Variants in RGS17 observed in about 807,000 individuals in gnomAD.
RGS17 encodes regulator of G protein signaling 17.
Under a neutral mutation model 25.5 loss-of-function variants are expected in RGS17, and 12 were observed. The observed-to-expected ratio is 0.47, with a 90% CI of 0.30 to 0.76. The LOEUF is 0.76. Among genes scored for constraint, RGS17 ranks in the 30% least tolerant of loss-of-function variants. RGS17 has a pLI of 0.07. For synonymous variants in RGS17, 71 were observed against 76.9 expected (o/e 0.92, Z 0.40); for missense variants, 196 against 242.2 (o/e 0.81, Z 1.27).
intron 2 of RGS17, among the ~76,000 whole-genome samples, chr6:153,043,510 A>G (rs1022695709): frequency 6.6e-6 from 1 of 151,636 alleles, no homozygotes; most frequent in Non-Finnish European, 1.5e-5. Context: ...AAACACATGC[A>G]ATACTACATG....
chr6:153,064,468 A>G (rs1776679895), intron 1 of RGS17, among the ~76,000 whole-genome samples: 1 of 152,108 alleles, frequency 6.6e-6, no homozygotes, highest in South Asian at 2.1e-4. Context: ...GTCTCTACTA[A>G]AAATACAAAA....
chr6:153,027,991 G>A (rs980724401), intron 2 of RGS17, among the ~76,000 whole-genome samples: 9 of 152,254 alleles, frequency 5.9e-5, no homozygotes, highest in Middle Eastern at 3.4e-3. Flanking sequence ...GCGTGAGGAC[G>A]GAGAGAATGG....
At chr6:153,036,349 G>T (rs1218134984) in intron 2 of RGS17, among the ~76,000 whole-genome samples, 5 of 152,052 alleles carry the variant, frequency 3.3e-5, no homozygotes, top group Non-Finnish European at 5.9e-5. Context: ...CACTGTGCCC[G>T]GCCCCCTTGC....
intron 2 of RGS17, among the ~76,000 whole-genome samples, chr6:153,031,956 T>C (rs1779368096): frequency 6.6e-6 from 1 of 152,170 alleles, no homozygotes. Context: ...GTAACACCGT[T>C]AATGACTGCA....
chr6:153,087,467 A>G (rs1251478103), intron 1 of RGS17, among the ~76,000 whole-genome samples: 1 of 152,244 alleles, frequency 6.6e-6, no homozygotes, highest in Non-Finnish European at 1.5e-5. Context: ...AGTCAGCTGC[A>G]AACACATGCT....
rs1297838529 is a variant in RGS17 at position 153,130,107 on chromosome 6, C to G, written c.-26+1017G>C. 6.6e-6 allele frequency among the ~76,000 whole-genome samples: 1 copy of G among 152,158 alleles called. No homozygotes were observed. Among genetic ancestry groups the G allele is most frequent in the Non-Finnish European group, 1.5e-5 (1 of 68,016 alleles). On this transcript the variant is annotated intron_variant, in intron 1 of 4. Coordinates refer to ENST00000206262, the MANE Select transcript of RGS17 (RefSeq NM_012419.5). The surrounding 1 kb of genome is among the most constrained non-coding windows in gnomAD (Gnocchi z 6.4). ...CCACCCGCGGCTTCCGAGTCCAGCTCTGTCCCTCCGCCATCCCCTAGTCCT... is the reference window on the plus strand; with the variant it reads ...CCACCCGCGGCTTCCGAGTCCAGCTGTGTCCCTCCGCCATCCCCTAGTCCT...
intron 1 of RGS17, among the ~76,000 whole-genome samples, chr6:153,060,161 T>C (rs1776614580): frequency 6.6e-6 from 1 of 152,170 alleles, no homozygotes; most frequent in Non-Finnish European, 1.5e-5. Flanking sequence ...ACACGGAGTG[T>C]CCTAGTGAAG....
intron 1 of RGS17, among the ~76,000 whole-genome samples, chr6:153,086,335 C>T (rs1169034470): frequency 2.0e-5 from 3 of 152,144 alleles, no homozygotes; most frequent in Admixed American, 1.3e-4. Flanking sequence ...AAAAAAATTA[C>T]TATTGTATCA....
At chr6:153,013,781 G>A (rs746641626) in intron 4 of RGS17, among the ~76,000 whole-genome samples, 17 of 152,234 alleles carry the variant, frequency 1.1e-4, no homozygotes, top group Non-Finnish European at 2.2e-4. Flanking sequence ...CTAATCCAGA[G>A]CAAGGTCCTA....
intron 1 of RGS17, among the ~76,000 whole-genome samples, chr6:153,052,692 G>A (rs1409741060): frequency 6.6e-6 from 1 of 152,034 alleles, no homozygotes; most frequent in Non-Finnish European, 1.5e-5. Context: ...TAAGACTTTT[G>A]AGGCTACTGG....
intron 4 of RGS17, among the ~76,000 whole-genome samples, chr6:153,019,569 C>G (rs922446718): frequency 4.6e-5 from 7 of 152,122 alleles, no homozygotes; most frequent in Non-Finnish European, 8.8e-5. Flanking sequence ...GCACCATCTT[C>G]TTGGTTCTGT....
intron 1 of RGS17, among the ~76,000 whole-genome samples, chr6:153,088,819 C>G (rs898517266): frequency 2.6e-5 from 4 of 151,980 alleles, no homozygotes; most frequent in African/African-American, 9.7e-5. Flanking sequence ...AATAGTTTAT[C>G]CATTCATATT....
At position 153,004,753 on chromosome 6, in the gene RGS17, AACTT is replaced by A. The variant is rs1158103211; in HGVS notation, c.*6817_*6820del. 1 of 152,162 alleles carries A rather than the reference AACTT, an allele frequency of 6.6e-6. No individual in the cohort carries two copies. Among genetic ancestry groups the A allele is most frequent in the African/African-American group, 2.4e-5 (1 of 41,450 alleles). 9.4% of individuals were successfully genotyped at this position (152,162 alleles called of 1,614,324 possible). On this transcript the variant is annotated 3_prime_UTR_variant, in exon 5 of 5. Coordinates refer to ENST00000206262, the MANE Select transcript of RGS17 (RefSeq NM_012419.5). ...GAAGGGGGAAAAAAAAACCCAGAAA[AACTT>A]AAATTGGAGGAAACATAATCTGGAT...
At chr6:153,128,778 T>C (rs1025969230) in intron 1 of RGS17, among the ~76,000 whole-genome samples, 2 of 152,276 alleles carry the variant, frequency 1.3e-5, no homozygotes, top group Admixed American at 1.3e-4. Flanking sequence ...TTAAACATGA[T>C]GAATTCAAAT....
intron 4 of RGS17, among the ~76,000 whole-genome samples, chr6:153,022,727 G>T (rs765696032): frequency 1.4e-4 from 21 of 152,090 alleles, no homozygotes; most frequent in Non-Finnish European, 2.4e-4. Flanking sequence ...ATAAAAATTA[G>T]CATAAAATTA....
chr6:153,073,083 G>C (rs965695010), intron 1 of RGS17, among the ~76,000 whole-genome samples: 1 of 152,188 alleles, frequency 6.6e-6, no homozygotes, highest in African/African-American at 2.4e-5. Flanking sequence ...CAATTCCATT[G>C]AGTTAGTTTG....
chr6:153,076,171 A>G (rs1776875434), intron 1 of RGS17, among the ~76,000 whole-genome samples: 1 of 152,180 alleles, frequency 6.6e-6, no homozygotes, highest in Admixed American at 6.5e-5. Context: ...CACTCTGTAT[A>G]TCCTTGGTTG....
chr6:153,034,493 A>G (rs1279596123), intron 2 of RGS17, among the ~76,000 whole-genome samples: 2 of 152,242 alleles, frequency 1.3e-5, no homozygotes, highest in Non-Finnish European at 1.5e-5. Context: ...TGGGCCTGAG[A>G]CTTGTAAAGG....
chr6:153,023,411 T>C (rs1419279088), intron 4 of RGS17: 2 of 505,536 alleles, frequency 4.0e-6, no homozygotes, highest in Non-Finnish European at 8.0e-6. Flanking sequence ...TCTAAGTGCT[T>C]TGAAGCCCTC....
Sources: gnomAD v4.1 joint callset for allele counts (sites outside exome capture counted in the v4.1 genomes callset) on GRCh38, gnomAD v4.1.1 for gene constraint, Gnocchi (gnomAD v3.1) non-coding constraint, MANE v1.5 for transcripts, NCBI Gene and HGNC (gene_info 2026-07-23, HGNC 2026-07-21) for gene names.